The following ATP6V1C1 variants were observed in gnomAD, a reference collection of about 807,000 sequenced individuals.
The protein encoded by ATP6V1C1 is V-type proton ATPase subunit C 1.
A neutral mutation model predicts 53.9 loss-of-function variants in ATP6V1C1; 45 were observed. The observed-to-expected ratio is 0.83, with a 90% CI of 0.66 to 1.07. The LOEUF is 1.07. Ranked by LOEUF, ATP6V1C1 falls within the 50% of genes least tolerant of loss-of-function variation. The pLI is 0.00. For missense variants in ATP6V1C1, 315 were observed against 440.3 expected (o/e 0.72, Z 2.55); for synonymous variants, 153 against 155.2 (o/e 0.99, Z 0.11).
At position 103,037,646 on chromosome 8, in the gene ATP6V1C1, G is replaced by A. The variant is rs965007311; in HGVS notation, c.-39-3152G>A. Among the ~76,000 whole-genome samples, 5 of 152,028 alleles carry A rather than the reference G, an allele frequency of 3.3e-5. No homozygotes were observed. In the East Asian group the frequency reaches 9.6e-4, roughly 29 times the overall value. ...CTAAAATTTTATTTTTAATAAATTT[G>A]CCATGCAATGTTATGTTTTAACTTG... On this transcript the variant is annotated intron_variant, in intron 1 of 12. Transcript: ENST00000518738.
intron 1 of ATP6V1C1, among the ~76,000 whole-genome samples, chr8:103,029,053 AAAAC>A (rs1450533339): frequency 1.3e-5 from 2 of 152,182 alleles, no homozygotes; most frequent in African/African-American, 2.4e-5. Context: ...AGAAAGGATG[AAAAC>A]AAACATTCAT....
Position 103,038,269 on chromosome 8 carries a change from A to C in ATP6V1C1, c.-39-2529A>C, listed in dbSNP as rs537980356. ...CTCTACATGTGGCCTTATCACTTGC[A>C]ATAGACTTCCTTATGTGGTAGTCTG... is the stretch of plus-strand genomic sequence containing the variant. On this transcript the variant is annotated intron_variant, in intron 1 of 12. Transcript: ENST00000518738. Among the ~76,000 whole-genome samples the C allele has an allele frequency of 1.4e-4, 21 of 152,266 alleles. 1 individual carries two copies. The South Asian group carries it at 4.4e-3, about 32-fold the overall frequency.
rs769121635 is a variant in ATP6V1C1 at position 103,048,863 on chromosome 8, T to C, written c.201-7T>C. On this transcript the variant is annotated splice_region_variant and splice_polypyrimidine_tract_variant and intron_variant, in intron 3 of 12. Coordinates refer to ENST00000518738, the MANE Select transcript of ATP6V1C1 (RefSeq NM_001695.5). ...GAGAATGGTTGTTGATATTTTTTCT[T>C]CCCCAGAGTGGTTAAGAAAGTAGCT... 1.9e-6 allele frequency: 3 copies of C among 1,610,838 alleles called. No individual in the cohort carries two copies. The South Asian group carries it at 3.3e-5, about 18-fold the overall frequency.
At chr8:103,024,591 C>T (rs1816662785) in intron 1 of ATP6V1C1, among the ~76,000 whole-genome samples, 1 of 152,180 alleles carries the variant, frequency 6.6e-6, no homozygotes, top group African/African-American at 2.4e-5. Context: ...TTAAATCTGT[C>T]TACAGGTTAC....
intron 1 of ATP6V1C1, among the ~76,000 whole-genome samples, chr8:103,037,043 A>C (rs1330769996): frequency 6.8e-6 from 1 of 146,878 alleles, no homozygotes; most frequent in Non-Finnish European, 1.5e-5. Flanking sequence ...AAAATGTTAA[A>C]GTTCGAGACA....
intron 3 of ATP6V1C1, among the ~76,000 whole-genome samples, chr8:103,048,481 A>G (rs951073963): frequency 6.6e-6 from 1 of 152,198 alleles, no homozygotes; most frequent in Non-Finnish European, 1.5e-5. Context: ...AGTGTCTTGC[A>G]TGTCATAGGA....
rs1454996179 is a variant in ATP6V1C1, at chr8:103,072,787, T to C, written c.*4040T>C. The C allele has an allele frequency of 6.6e-6, 1 of 152,212 alleles. No homozygotes were observed. Among genetic ancestry groups the C allele is most frequent in the East Asian group, 1.9e-4 (1 of 5,202 alleles). The allele number at this position is 152,212 out of a possible 1,614,324, so 9.4% of individuals were successfully genotyped here. A position where few individuals can be genotyped will look rare whatever the true frequency, so the allele number is the denominator to read the frequency against. On this transcript the variant is annotated 3_prime_UTR_variant, in exon 13 of 13. Transcript: ENST00000518738. ...AGAAAAAGGGAACAGAGTAAAGCCA[T>C]GGAAGCCATGAACAGTAAGAGACTG...
intron 3 of ATP6V1C1, among the ~76,000 whole-genome samples, chr8:103,046,365 C>T (rs1291051812): frequency 6.6e-6 from 1 of 152,004 alleles, no homozygotes; most frequent in Non-Finnish European, 1.5e-5. Context: ...CACCACCACA[C>T]CCAGCTAATT....
rs1399932514 is a variant in ATP6V1C1 at position 103,070,547 on chromosome 8, G to A, written c.*1800G>A. The A allele has an allele frequency of 3.3e-5, 5 of 152,126 alleles. No homozygotes were observed. In the East Asian group the frequency reaches 9.6e-4, roughly 29 times the overall value. 9.4% of individuals were successfully genotyped at this position (152,126 alleles called of 1,614,324 possible). A position where few individuals can be genotyped will look rare whatever the true frequency, so the allele number is the denominator to read the frequency against. On this transcript the variant is annotated 3_prime_UTR_variant, in exon 13 of 13. Coordinates refer to ENST00000518738, the MANE Select transcript of ATP6V1C1 (RefSeq NM_001695.5). ...TTCTTTGAGTCTTAGTATCTGTAACGTGGCGCTACTCTCTCTATCATGGGG... is the reference window on the plus strand; with the variant it reads ...TTCTTTGAGTCTTAGTATCTGTAACATGGCGCTACTCTCTCTATCATGGGG...
chr8:103,055,788 C>T (rs1817280634), intron 7 of ATP6V1C1, 80 bp from the exon 8 acceptor site: 2 of 1,334,950 alleles, frequency 1.5e-6, no homozygotes, highest in Admixed American at 2.0e-5. Context: ...CTATTTGTCT[C>T]ATAATTTTTT....
chr8:103,031,263 A>C (rs796776805), intron 1 of ATP6V1C1, among the ~76,000 whole-genome samples: 1 of 152,356 alleles, frequency 6.6e-6, no homozygotes, highest in African/African-American at 2.4e-5. Context: ...CTCCAAAGAA[A>C]AGGTCAGCAA....
Position 103,071,789 on chromosome 8 carries a change from T to A in ATP6V1C1, c.*3042T>A, listed in dbSNP as rs1817592057. ...GTGCTACCACGCCTGGCCAATTTTT[T>A]AAATTTTAGCACAGATGAGGTCTCA... On this transcript the variant is annotated 3_prime_UTR_variant, in exon 13 of 13. Transcript: ENST00000518738. The A allele has an allele frequency of 6.6e-6, 1 of 151,858 alleles. No individual in the cohort carries two copies. The highest frequency in any genetic ancestry group is 1.5e-5 in the Non-Finnish European group (1 of 67,988). The allele number at this position is 151,858 out of a possible 1,614,324, so 9.4% of individuals were successfully genotyped here. A position where few individuals can be genotyped will look rare whatever the true frequency, so the allele number is the denominator to read the frequency against.
intron 11 of ATP6V1C1, among the ~76,000 whole-genome samples, chr8:103,065,863 G>A (rs1003034682): frequency 1.3e-5 from 2 of 152,080 alleles, no homozygotes; most frequent in Non-Finnish European, 2.9e-5. Flanking sequence ...CCAACATGGT[G>A]AAACCCCGTC....
intron 11 of ATP6V1C1, 28 bp from the exon 12 acceptor site, chr8:103,066,293 G>A (rs1207778994): frequency 1.3e-5 from 20 of 1,589,938 alleles, no homozygotes; most frequent in East Asian, 4.5e-5. Context: ...TGCTTGTATT[G>A]CGTACTGTAT....
intron 8 of ATP6V1C1, among the ~76,000 whole-genome samples, chr8:103,059,036 A>C (rs953853681): frequency 6.6e-6 from 1 of 151,016 alleles, no homozygotes; most frequent in African/African-American, 2.4e-5. Context: ...ATTGAGTCAG[A>C]TCACTGGTTA....
At chr8:103,055,366 A>G (rs1817272645) in intron 7 of ATP6V1C1, among the ~76,000 whole-genome samples, 1 of 152,166 alleles carries the variant, frequency 6.6e-6, no homozygotes, top group African/African-American at 2.4e-5. Flanking sequence ...CCTGGAAGCC[A>G]GTGGCCTCTA....
chr8:103,040,704 A>G, intron 1 of ATP6V1C1, 94 bp from the exon 2 acceptor site: 1 of 1,100,944 alleles, frequency 9.1e-7, no homozygotes, highest in East Asian at 2.7e-5. Flanking sequence ...TAGTTTTGAA[A>G]CAGGTTATAT....
At chr8:103,048,142 T>A (rs960153574) in intron 3 of ATP6V1C1, among the ~76,000 whole-genome samples, 1 of 152,230 alleles carries the variant, frequency 6.6e-6, no homozygotes, top group Non-Finnish European at 1.5e-5. Context: ...CTTGTGACTT[T>A]GAATAAGCCA....
intron 5 of ATP6V1C1, among the ~76,000 whole-genome samples, chr8:103,051,872 G>A (rs143964721): frequency 1.3e-5 from 2 of 152,268 alleles, no homozygotes; most frequent in Non-Finnish European, 2.9e-5. Context: ...GGCAAGAAGT[G>A]TAGTTTAAAT....
Sources: allele counts gnomAD v4.1 joint callset (sites outside exome capture counted in the v4.1 genomes callset), GRCh38; gene constraint gnomAD v4.1.1; transcripts MANE v1.5; gene names NCBI Gene and HGNC (gene_info 2026-07-23, HGNC 2026-07-21).